Variants in CCDC141 observed in about 807,000 individuals in gnomAD.
CCDC141 encodes the protein coiled-coil domain-containing protein 141.
Under a neutral mutation model 181.0 loss-of-function variants are expected in CCDC141, and 168 were observed. The observed-to-expected ratio is 0.93, with a 90% confidence interval of 0.82 to 1.05. The LOEUF is 1.05. CCDC141 is among the 50% of genes least tolerant of loss of function. CCDC141 has a pLI of 0.00. For synonymous variants in CCDC141, 666 were observed against 642.3 expected (o/e 1.04, Z -0.56); for missense variants, 1,902 against 1,788.5 (o/e 1.06, Z -1.14).
At chr2:179,001,528 G>GA (rs1457994741) in intron 2 of CCDC141, among the ~76,000 whole-genome samples, 3 of 151,888 alleles carry the variant, frequency 2.0e-5, no homozygotes, top group Non-Finnish European at 2.9e-5. Context: ...GCTTGAGGTG[G>GA]AAAAAAAATC....
intron 2 of CCDC141, among the ~76,000 whole-genome samples, chr2:179,040,485 A>C (rs755753588): frequency 6.6e-6 from 1 of 152,202 alleles, no homozygotes; most frequent in African/African-American, 2.4e-5. Flanking sequence ...TCACCCAAGT[A>C]TTAACCCTAG....
chr2:179,027,734 C>CTTGTT (rs369886195), intron 2 of CCDC141, among the ~76,000 whole-genome samples: 1 of 147,236 alleles, frequency 6.8e-6, no homozygotes, highest in African/African-American at 2.5e-5. Context: ...TAAGATGTGA[C>CTTGTT]TTGTTCCTCC....
At chr2:178,906,396 C>T (rs942206344) in intron 7 of CCDC141, among the ~76,000 whole-genome samples, 41 of 152,116 alleles carry the variant, frequency 2.7e-4, no homozygotes, top group Admixed American at 1.3e-4. Context: ...GAAAGCAGAG[C>T]GCAGTCATCT....
chr2:178,859,968 A>G (rs980017723), intron 17 of CCDC141, among the ~76,000 whole-genome samples: 4 of 152,182 alleles, frequency 2.6e-5, no homozygotes, highest in African/African-American at 9.6e-5. Context: ...GTCAAGGCCA[A>G]TTTGTGTGAG....
intron 17 of CCDC141, among the ~76,000 whole-genome samples, chr2:178,860,305 G>A (rs1291905160): frequency 6.6e-6 from 1 of 151,908 alleles, no homozygotes; most frequent in Non-Finnish European, 1.5e-5. Flanking sequence ...GGCTGAGGCG[G>A]GTGGATCACC....
chr2:179,032,897 G>A (rs897578888), intron 2 of CCDC141, among the ~76,000 whole-genome samples: 10 of 151,618 alleles, frequency 6.6e-5, no homozygotes, highest in Admixed American at 1.3e-4. Flanking sequence ...CTCCAGAAGA[G>A]TAATAGCTAG....
At chr2:178,977,612 T>C (rs1691177892) in intron 3 of CCDC141, among the ~76,000 whole-genome samples, 1 of 152,206 alleles carries the variant, frequency 6.6e-6, no homozygotes, top group Non-Finnish European at 1.5e-5. Flanking sequence ...ATGCATGAGA[T>C]TGCCTACTCC....
At chr2:178,877,201 A>T (rs1686390799) in intron 12 of CCDC141, 1 of 152,074 alleles carries the variant, frequency 6.6e-6, no homozygotes, top group Non-Finnish European at 1.5e-5. Flanking sequence ...TGCAGAAAAA[A>T]CTCAGACATA....
chr2:178,924,136 A>G (rs1688824536), intron 6 of CCDC141, among the ~76,000 whole-genome samples: 1 of 152,232 alleles, frequency 6.6e-6, no homozygotes, highest in African/African-American at 2.4e-5. Context: ...TTTTCGTTAT[A>G]AGCTTGACTT....
chr2:178,882,357 G>GAAA (rs1231557907), intron 11 of CCDC141, among the ~76,000 whole-genome samples: 1 of 152,062 alleles, frequency 6.6e-6, no homozygotes, highest in Non-Finnish European at 1.5e-5. Context: ...CAACAAGAGC[G>GAAA]AAACTCTGTC....
In CCDC141 at chr2:179,047,403, C is replaced by T. The variant is rs1459839756; in HGVS notation, c.106G>A (p.Gly36Ser). 1 of 1,502,448 alleles carries T rather than the reference C, an allele frequency of 6.7e-7. No homozygotes were observed. Among genetic ancestry groups the T allele is most frequent in the Non-Finnish European group, 8.8e-7 (1 of 1,130,080 alleles). 93.1% of individuals were successfully genotyped at this position (1,502,448 alleles called of 1,614,324 possible). ...GCCAGTTGAAGTTGTACCCATTTGC[C>T]ACACTAAAAATAAAAATTAAATAAA... ...SKIVIAVIKC[G>S]KWVQLQLAES... Residue 36 changes from glycine to serine, a missense_variant, in exon 2 of 24, where the codon GGC becomes AGC. Gly to Ser is a moderately conservative substitution (Grantham distance 56). Transcript: ENST00000443758.
At chr2:178,818,123 T>C in the CCDC141 span, among the ~76,000 whole-genome samples, 2 of 152,128 alleles carry the variant, frequency 1.3e-5, no homozygotes, top group Non-Finnish European at 2.9e-5. Flanking sequence ...ATATTTTCAA[T>C]GTGTTCGTTT....
chr2:178,826,307 C>T (rs907127530), downstream of CCDC141, among the ~76,000 whole-genome samples: 17 of 152,202 alleles, frequency 1.1e-4, no homozygotes, highest in Non-Finnish European at 2.2e-4. Context: ...TCTTTTTATC[C>T]ATTGTTAGAT....
intron 8 of CCDC141, among the ~76,000 whole-genome samples, chr2:178,898,305 G>A (rs1687510419): frequency 6.6e-6 from 1 of 152,062 alleles, no homozygotes; most frequent in Admixed American, 6.6e-5. Context: ...CACGTTATGA[G>A]GCAGCATGAG....
chr2:178,997,894 G>T (rs754408754), intron 2 of CCDC141, among the ~76,000 whole-genome samples: 17 of 152,046 alleles, frequency 1.1e-4, no homozygotes, highest in Admixed American at 2.0e-4. Context: ...CCTTTAACCC[G>T]TCCCCCCTCA....
In CCDC141 at chr2:178,978,663, G is replaced by C; in HGVS notation, c.238C>G (p.Arg80Gly). 6.5e-7 allele frequency: 1 copy of C among 1,538,430 alleles called. No homozygotes were observed. The highest frequency in any genetic ancestry group is 8.8e-7 in the Non-Finnish European group (1 of 1,141,948). The stretch of plus-strand genomic sequence containing the variant: ...GCTTCCTGCAAGAGTTCCCATACCC[G>C]ATCTTCCAAAGCCTAAGTACAAAAG... ...LLAKLKALED[R>G]VWELLQEADK... The change falls in exon 3 of 24, where the codon CGG (arginine) becomes GGG (glycine). Residue 80 changes from arginine (R) to glycine (G), a missense_variant. Transcript: ENST00000443758.
rs16823538 is a variant in CCDC141, at chr2:179,030,935, C to T, written c.225+16349G>A. On this transcript the variant is annotated intron_variant, in intron 2 of 23. Transcript: ENST00000443758. ...CATTAGTTTGGTAAGCAGGCTTTTC[C>T]TGGGCTAAAAAAATGAACTATTTTC... Among the ~76,000 whole-genome samples the T allele has an allele frequency of 5.5e-3, 831 of 152,048 alleles. 9 individuals carry two copies. Among genetic ancestry groups the T allele is most frequent in the African/African-American group, 0.019 (790 of 41,500 alleles).
chr2:178,929,521 C>T (rs1053122866), intron 6 of CCDC141, among the ~76,000 whole-genome samples: 2 of 148,630 alleles, frequency 1.3e-5, no homozygotes, highest in Admixed American at 6.8e-5. Context: ...ATAAGTGCTA[C>T]TTCTGAGGAA....
At chr2:179,023,196 T>C (rs1235019077) in intron 2 of CCDC141, among the ~76,000 whole-genome samples, 46 of 152,192 alleles carry the variant, frequency 3.0e-4, no homozygotes, top group Admixed American at 3.0e-3. Flanking sequence ...TAAGAGGTAA[T>C]CATTCAGCAC....
Sources: gnomAD v4.1 joint callset for allele counts (sites outside exome capture counted in the v4.1 genomes callset) on GRCh38, gnomAD v4.1.1 for gene constraint, MANE v1.5 for transcripts, NCBI Gene and HGNC (gene_info 2026-07-23, HGNC 2026-07-21) for gene names.